MICAL2: variants seen among roughly 807,000 people sequenced by gnomAD.
MICAL2 encodes the protein microtubule associated monooxygenase, calponin and LIM domain containing 2, also known as [F-actin]-monooxygenase MICAL2.
MICAL2 carries 77 observed loss-of-function variants against 127.3 expected under a neutral mutation model. That is an observed-to-expected ratio of 0.60 (90% CI 0.50 to 0.73). MICAL2 has a LOEUF of 0.73. Among genes scored for constraint, MICAL2 ranks in the 30% least tolerant of loss-of-function variants. MICAL2 has a pLI of 0.00. For synonymous variants in MICAL2, 570 were observed against 551.1 expected (o/e 1.03, Z -0.48); for missense variants, 1,351 against 1,434.4 (o/e 0.94, Z 0.94).
downstream of MICAL2, chr11:12,287,409 G>A (rs1863838956): frequency 9.0e-6 from 3 of 334,596 alleles, no homozygotes; most frequent in Non-Finnish European, 1.6e-5. Flanking sequence ...GAATTATGGA[G>A]CCTTAGGATT....
chr11:12,116,897 G>A (rs560656683), intron 1 of MICAL2: 1 of 152,282 alleles, frequency 6.6e-6, no homozygotes, highest in Admixed American at 6.5e-5. Context: ...GCCCATCTCA[G>A]TGGTGTCTGG....
chr11:12,348,153 CAAAA>C (rs57602704), intron 32 of MICAL2, among the ~76,000 whole-genome samples: 5 of 79,138 alleles, frequency 6.3e-5, no homozygotes, highest in African/African-American at 2.4e-4. Flanking sequence ...GACTCTGTCT[CAAAA>C]AAAAAAAAAA....
intron 2 of MICAL2, among the ~76,000 whole-genome samples, chr11:12,284,143 C>G (rs1863799117): frequency 6.6e-6 from 1 of 152,216 alleles, no homozygotes; most frequent in Admixed American, 6.5e-5. Flanking sequence ...GCATTGGACT[C>G]TTAGCTATAA....
chr11:12,346,966 G>A (rs564487748), intron 32 of MICAL2, among the ~76,000 whole-genome samples: 3 of 152,056 alleles, frequency 2.0e-5, no homozygotes, highest in African/African-American at 7.2e-5. Context: ...ATCCTTTAAT[G>A]TCCCTTTGTG....
rs576879681 is a variant in MICAL2, at chr11:12,213,138, C to T, written c.692-117C>T. 1.4e-3 allele frequency: 1,768 copies of T among 1,233,342 alleles called. 3 individuals carry two copies. The highest frequency in any genetic ancestry group is 1.6e-3 in the Non-Finnish European group (1,435 of 894,608). The allele number at this position is 1,233,342 out of a possible 1,614,324, so 76.4% of individuals were successfully genotyped here. A position where few individuals can be genotyped will look rare whatever the true frequency, so the allele number is the denominator to read the frequency against. ...TGCCCGCTCCTGTCCACTAGAGATC[C>T]AGAATCCTGGTTTCACTGGCCTGGG... On this transcript the variant is annotated intron_variant, in intron 6 of 27. Coordinates refer to ENST00000683283, the MANE Select transcript of MICAL2 (RefSeq NM_001282663.2).
At position 12,209,608 on chromosome 11, in the gene MICAL2, C is replaced by T. The variant is rs547697503; in HGVS notation, c.691+10C>T. The T allele has an allele frequency of 1.2e-6, 2 of 1,607,326 alleles. No individual in the cohort carries two copies. The highest frequency in any genetic ancestry group is 2.2e-5 in the South Asian group (2 of 90,940). The stretch of plus-strand genomic sequence containing the variant: ...AGGAACACCCTGGAAGGTGAAGACT[C>T]TTCTTCTTGGTGTGGGAATGGGGGG... On this transcript the variant is annotated intron_variant, in intron 6 of 27. Transcript: ENST00000683283.
intron 2 of MICAL2, among the ~76,000 whole-genome samples, chr11:12,142,180 G>T (rs1297252383): frequency 6.6e-6 from 1 of 152,154 alleles, no homozygotes; most frequent in African/African-American, 2.4e-5. Flanking sequence ...GAATGTCTAA[G>T]GTGTTAGCAG....
rs545181208 is a variant in MICAL2 at position 12,287,141 on chromosome 11, A to T, written c.311A>T (p.Asn104Ile). The change falls in exon 3 of 3, where the codon AAC (asparagine) becomes ATC (isoleucine). Residue 104 changes from asparagine to isoleucine, a missense_variant. Coordinates refer to the MICAL2 transcript ENST00000529028. Reference sequence around the variant, plus strand: ...TCTCCAACCCCAAGCAAATACCAGAACTGGAGGAGAGAATTCTGGTGGAGT... The same window carrying T: ...TCTCCAACCCCAAGCAAATACCAGATCTGGAGGAGAGAATTCTGGTGGAGT... The T allele has an allele frequency of 1.3e-5, 5 of 398,842 alleles. No individual in the cohort carries two copies. In the South Asian group the frequency reaches 6.4e-4, roughly 51 times the overall value. The allele number at this position is 398,842 out of a possible 1,614,324, so 24.7% of individuals were successfully genotyped here. A position where few individuals can be genotyped will look rare whatever the true frequency, so the allele number is the denominator to read the frequency against.
At chr11:12,268,288 T>C (rs1863630824), downstream of MICAL2, among the ~76,000 whole-genome samples, 1 of 152,218 alleles carries the variant, frequency 6.6e-6, no homozygotes, top group South Asian at 2.1e-4. Context: ...TGTACAACTC[T>C]TGGGAGAGCT....
intron 2 of MICAL2, among the ~76,000 whole-genome samples, chr11:12,148,093 C>T (rs1026682828): frequency 1.3e-5 from 2 of 152,164 alleles, no homozygotes; most frequent in Admixed American, 1.3e-4. Context: ...TTCTCAGGTG[C>T]TGAGTCACTC....
intron 32 of MICAL2, among the ~76,000 whole-genome samples, chr11:12,346,921 C>T (rs1467812076): frequency 6.6e-6 from 1 of 152,166 alleles, no homozygotes; most frequent in Admixed American, 6.5e-5. Context: ...TAGTCCTTTA[C>T]ACACGACACT....
chr11:12,237,544 C>G (rs563428705), intron 16 of MICAL2, among the ~76,000 whole-genome samples: 1 of 152,220 alleles, frequency 6.6e-6, no homozygotes. Flanking sequence ...TATGTTTCAC[C>G]CATGGCTTAT....
Position 12,242,320 on chromosome 11 carries a change from T to C in MICAL2, c.2444T>C (p.Leu815Pro). The C allele has an allele frequency of 6.2e-7, 1 of 1,614,148 alleles. No individual in the cohort carries two copies. Among genetic ancestry groups the C allele is most frequent in the Non-Finnish European group, 8.5e-7 (1 of 1,179,988 alleles). ...RPWRARAKSDLQLGGTENFAT... is the reference protein window; with the variant it reads ...RPWRARAKSDPQLGGTENFAT... ...TGGAGAGCCAGAGCCAAGTCTGACC[T>C]ACAGCTGGGTGGGACAGAAAATTTC... The change falls in exon 19 of 28, where the codon CTA becomes CCA. Residue 815 changes from leucine (L) to proline (P), a missense_variant. This residue lies in a region of MICAL2 where 752 missense variants were observed against 719.4 expected (regional missense o/e 1.05). Coordinates refer to ENST00000683283, the MANE Select transcript of MICAL2 (RefSeq NM_001282663.2).
rs1864427530 is a variant in MICAL2 at position 12,331,447 on chromosome 11, A to G, written c.5515+4181A>G. Among the ~76,000 whole-genome samples the G allele has an allele frequency of 2.0e-5, 3 of 152,172 alleles. No individual in the cohort carries two copies. In the South Asian group the frequency reaches 6.2e-4, roughly 32 times the overall value. ...CCCGGAGATTGAGGGGTTTACCAAG[A>G]AAAATTAGGATGCACAAAGTGCCAG... On this transcript the variant is annotated intron_variant, in intron 32 of 34. Transcript: ENST00000646065.
At chr11:12,359,068 G>T (rs1939172444), downstream of MICAL2, 1 of 152,564 alleles carries the variant, frequency 6.6e-6, no homozygotes, top group South Asian at 2.1e-4. Flanking sequence ...TTTACCAGGT[G>T]CATTTATAAG....
chr11:12,354,714 A>G (rs1939105414), intron 33 of MICAL2: 3 of 1,324,026 alleles, frequency 2.3e-6, no homozygotes, highest in East Asian at 4.7e-5. Context: ...GCTACTCTCA[A>G]TGGGCTTATT....
chr11:12,229,345 T>A (rs2134357394), intron 15 of MICAL2, among the ~76,000 whole-genome samples: 1 of 152,298 alleles, frequency 6.6e-6, no homozygotes, highest in Admixed American at 6.5e-5. Context: ...TCTCTCCCAC[T>A]CTGAGCCGGC....
At chr11:12,249,382 C>A in intron 22 of MICAL2, 136 bp downstream of exon 22, 2 of 619,192 alleles carry the variant, frequency 3.2e-6, no homozygotes, top group South Asian at 4.0e-5. Flanking sequence ...CGAAGGTGGG[C>A]AGACATGTGC....
intron 1 of MICAL2, chr11:12,276,295 A>G (rs1397288412): frequency 5.0e-6 from 2 of 397,432 alleles, no homozygotes; most frequent in South Asian, 1.4e-4. Flanking sequence ...TCATCTGTAA[A>G]ATGGCGACAA....
Sources: allele counts gnomAD v4.1 joint callset (sites outside exome capture counted in the v4.1 genomes callset), GRCh38; gene constraint gnomAD v4.1.1; regional missense constraint gnomAD v4.1.1; transcripts MANE v1.5; gene names NCBI Gene and HGNC (gene_info 2026-07-23, HGNC 2026-07-21).